MCM9: variants seen among roughly 807,000 people sequenced by gnomAD.
MCM9 encodes minichromosome maintenance 9 homologous recombination repair factor.
MCM9 carries 55 observed loss-of-function variants against 72.8 expected under a neutral mutation model. The ratio of observed to expected loss-of-function variants is 0.76; its 90% confidence interval spans 0.61 to 0.95. The LOEUF is 0.95. Ranked by LOEUF, MCM9 falls within the 40% of genes least tolerant of loss-of-function variation. The pLI is 0.00. For missense variants in MCM9, 1,279 were observed against 1,377.0 expected, an observed-to-expected ratio of 0.93 and a Z score of 1.13; for synonymous variants, 480 against 503.4, an observed-to-expected ratio of 0.95 and a Z score of 0.62.
At chr6:118,908,937 A>G (rs1310829150) in intron 8 of MCM9, 1 of 152,618 alleles carries the variant, frequency 6.6e-6, no homozygotes, top group Non-Finnish European at 1.5e-5. Flanking sequence ...AGTTGTATAT[A>G]TTTCCTATCA....
intron 8 of MCM9, chr6:118,908,634 A>C (rs1243262477): frequency 6.6e-6 from 1 of 152,180 alleles, no homozygotes; most frequent in African/African-American, 2.4e-5. Flanking sequence ...TTTGTGGTTG[A>C]CATACTCTAG....
chr6:118,922,324 G>A lies in MCM9; in HGVS notation c.622-238C>T, dbSNP rs117390633. Among the ~76,000 whole-genome samples the A allele has an allele frequency of 4.1e-3, 617 of 152,194 alleles. 11 individuals are homozygous for A. The East Asian group carries it at 0.042, about 10-fold the overall frequency. On this transcript the variant is annotated intron_variant, in intron 4 of 13. Transcript: ENST00000619706. ...TATGATCTATATAATCTACCTTGCG[G>A]GTGGTCAAAGTAAACGTATGCTCCA... is the stretch of plus-strand genomic sequence containing the variant.
intron 9 of MCM9, among the ~76,000 whole-genome samples, chr6:118,839,403 C>T (rs1469745899): frequency 6.6e-6 from 1 of 151,992 alleles, no homozygotes; most frequent in African/African-American, 2.4e-5. Context: ...TTGTTATTTC[C>T]CACATTCTGA....
At chr6:118,898,216 T>C (rs1021778372) in intron 8 of MCM9, among the ~76,000 whole-genome samples, 6 of 152,154 alleles carry the variant, frequency 3.9e-5, no homozygotes, top group African/African-American at 1.4e-4. Flanking sequence ...TTGATCTACA[T>C]GATGAAGCTG....
At chr6:118,870,096 T>C (rs931813018) in intron 8 of MCM9, among the ~76,000 whole-genome samples, 3 of 152,196 alleles carry the variant, frequency 2.0e-5, no homozygotes, top group Admixed American at 6.5e-5. Flanking sequence ...ACAGATCATT[T>C]AGACAGAAAA....
At chr6:118,893,929 G>GCAGCCACGCCTCCCCGCCA in intron 8 of MCM9, 2 of 807,308 alleles carry the variant, frequency 2.5e-6, no homozygotes, top group Non-Finnish European at 3.0e-6. Flanking sequence ...CCCTCCCGCC[G>GCAGCCACGCCTCCCCGCCA]CAGCCACGCC....
intron 8 of MCM9, among the ~76,000 whole-genome samples, chr6:118,862,516 G>A (rs1052277170): frequency 4.6e-5 from 7 of 152,180 alleles, no homozygotes; most frequent in African/African-American, 1.4e-4. Context: ...GGGAGACAGT[G>A]ACAGATCATC....
chr6:118,903,550 T>TA (rs1779952533), intron 8 of MCM9, among the ~76,000 whole-genome samples: 1 of 152,150 alleles, frequency 6.6e-6, no homozygotes, highest in South Asian at 2.1e-4. Context: ...CATACGTTCT[T>TA]AGATAATTTG....
chr6:118,901,374 T>TA (rs1246668714), intron 8 of MCM9, among the ~76,000 whole-genome samples: 2 of 152,234 alleles, frequency 1.3e-5, no homozygotes, highest in Admixed American at 6.5e-5. Context: ...GGTTAACAGA[T>TA]ACGTTTAGTG....
In MCM9 at chr6:118,813,727, T is replaced by C. The variant is rs1451537432; in HGVS notation, c.*1097A>G. On this transcript the variant is annotated 3_prime_UTR_variant, in exon 14 of 14. Coordinates refer to ENST00000619706, the MANE Select transcript of MCM9 (RefSeq NM_017696.3). ...AGGAATAAGTGATTTTAAAAGCACA[T>C]AGAAAGACAAAGCTTGAGGTTATCT... 1 of 152,198 alleles carries C rather than the reference T, an allele frequency of 6.6e-6. No individual in the cohort carries two copies. The highest frequency in any genetic ancestry group is 1.5e-5 in the Non-Finnish European group (1 of 68,032). The allele number at this position is 152,198 out of a possible 1,614,324, so 9.4% of individuals were successfully genotyped here.
At chr6:118,890,975 C>T (rs1395226135) in intron 8 of MCM9, among the ~76,000 whole-genome samples, 2 of 152,168 alleles carry the variant, frequency 1.3e-5, no homozygotes, top group Non-Finnish European at 2.9e-5. Context: ...GCAGTAGACA[C>T]GGGCTGACAC....
Position 118,934,073 on chromosome 6 carries a change from A to C in MCM9, c.-150+818T>G, listed in dbSNP as rs537739935. Among the ~76,000 whole-genome samples, 13 of 152,244 alleles carry C rather than the reference A, an allele frequency of 8.5e-5. No individual in the cohort carries two copies. The South Asian group carries it at 2.3e-3, about 27-fold the overall frequency. Reference sequence around the variant, plus strand: ...AGCCACAAATTTAGCAATTTGAAAAACAGCTCCACACAAGGCAGGAAAAGG... The same window carrying C: ...AGCCACAAATTTAGCAATTTGAAAACCAGCTCCACACAAGGCAGGAAAAGG... On this transcript the variant is annotated intron_variant, in intron 1 of 13. Coordinates refer to ENST00000619706, the MANE Select transcript of MCM9 (RefSeq NM_017696.3).
Position 118,922,078 on chromosome 6 carries a change from C to T in MCM9, c.630G>A (p.Arg210=), listed in dbSNP as rs767996179. Residue 210 remains arginine (R), a synonymous_variant, in exon 5 of 14, where the codon AGG becomes AGA. Transcript: ENST00000619706. The stretch of plus-strand genomic sequence containing the variant: ...ATCGTGGAATACTTCCAACAGATAG[C>T]CTTTGAACCTAGCAAAGAAAAGAAA... ...QEIKIQEQVQ[R]LSVGSIPRSM... The T allele has an allele frequency of 1.2e-6, 2 of 1,608,590 alleles. No homozygotes were observed. Among genetic ancestry groups the T allele is most frequent in the Non-Finnish European group, 1.7e-6 (2 of 1,177,970 alleles).
chr6:118,892,494 T>A (rs1306642773), intron 8 of MCM9, among the ~76,000 whole-genome samples: 1 of 152,200 alleles, frequency 6.6e-6, no homozygotes, highest in Non-Finnish European at 1.5e-5. Context: ...GACTCTCCTC[T>A]TAAGAGTACC....
chr6:118,922,657 C>T (rs542534273), intron 4 of MCM9, among the ~76,000 whole-genome samples: 62 of 152,322 alleles, frequency 4.1e-4, no homozygotes, highest in African/African-American at 1.5e-3. Context: ...GCCTATTGTT[C>T]TCTGACTACA....
At chr6:118,905,433 A>G (rs568524554) in intron 8 of MCM9, among the ~76,000 whole-genome samples, 22 of 152,362 alleles carry the variant, frequency 1.4e-4, no homozygotes, top group African/African-American at 4.8e-4. Flanking sequence ...CATGCTTTCA[A>G]GTATCAAGGG....
At chr6:118,917,415 T>C (rs1781051967) in intron 6 of MCM9, 146 bp downstream of exon 6, 1 of 736,932 alleles carries the variant, frequency 1.4e-6, no homozygotes, top group Non-Finnish European at 2.2e-6. Flanking sequence ...AAAGGGAGAC[T>C]ATAGCTAGAG....
intron 7 of MCM9, 171 bp downstream of exon 7, chr6:118,913,124 G>C (rs1780675610): frequency 1.5e-6 from 1 of 682,966 alleles, no homozygotes; most frequent in Admixed American, 3.2e-5. Flanking sequence ...CTAGAAAGTA[G>C]CTTCTGATAT....
intron 3 of MCM9, among the ~76,000 whole-genome samples, chr6:118,925,139 T>C (rs1042094075): frequency 6.6e-6 from 1 of 151,996 alleles, no homozygotes; most frequent in Admixed American, 6.6e-5. Flanking sequence ...GAAAATCTTA[T>C]GTGGAAATTC....
Sources: gnomAD v4.1 joint callset for allele counts (sites outside exome capture counted in the v4.1 genomes callset) on GRCh38, gnomAD v4.1.1 for gene constraint, MANE v1.5 for transcripts, NCBI Gene and HGNC (gene_info 2026-07-23, HGNC 2026-07-21) for gene names.